Variants in PCSK5 observed in about 807,000 individuals in gnomAD.
The protein encoded by PCSK5 is prohormone convertase 5.
PCSK5 carries 129 observed loss-of-function variants against 233.2 expected under a neutral mutation model. The ratio of observed to expected loss-of-function variants is 0.55; its 90% CI spans 0.48 to 0.64. The LOEUF (loss-of-function observed/expected upper bound fraction) is 0.64, where lower values mean the gene tolerates loss of function less well. Among genes scored for constraint, PCSK5 ranks in the 30% least tolerant of loss-of-function variants. The pLI, the probability that PCSK5 is intolerant of heterozygous loss-of-function variation, is 0.00. For missense variants in PCSK5, 2,076 were observed against 2,430.1 expected (o/e 0.85, Z 3.06); for synonymous variants, 825 against 879.2 (o/e 0.94, Z 1.09).
intron 24 of PCSK5, among the ~76,000 whole-genome samples, chr9:76,271,244 A>G (rs1827503006): frequency 6.6e-6 from 1 of 152,220 alleles, no homozygotes; most frequent in Non-Finnish European, 1.5e-5. Flanking sequence ...CATCAGCTTT[A>G]TTCCTTATAA....
intron 8 of PCSK5, among the ~76,000 whole-genome samples, chr9:76,096,851 T>C (rs2131654499): frequency 6.6e-6 from 1 of 152,258 alleles, no homozygotes; most frequent in East Asian, 1.9e-4. Flanking sequence ...TCCTCCCGCC[T>C]CAGCTTCCCA....
intron 24 of PCSK5, among the ~76,000 whole-genome samples, chr9:76,275,670 C>T (rs146902410): frequency 0.037 from 5,620 of 152,278 alleles, 336 homozygotes; most frequent in African/African-American, 0.13. Context: ...AGTGATCCAC[C>T]TGCCTCGGCC....
intron 2 of PCSK5, among the ~76,000 whole-genome samples, chr9:75,952,190 C>T (rs1394950962): frequency 6.6e-6 from 1 of 152,150 alleles, no homozygotes; most frequent in Admixed American, 6.6e-5. Flanking sequence ...CTTCAGCATG[C>T]ATGTCATTAA....
chr9:76,096,837 G>A (rs1831535020), intron 8 of PCSK5, among the ~76,000 whole-genome samples: 1 of 152,094 alleles, frequency 6.6e-6, no homozygotes, highest in East Asian at 1.9e-4. Context: ...CTGACCTCAA[G>A]TGATCCTCCC....
chr9:75,916,757 C>T (rs1185774958), intron 1 of PCSK5, among the ~76,000 whole-genome samples: 1 of 152,044 alleles, frequency 6.6e-6, no homozygotes, highest in Non-Finnish European at 1.5e-5. Context: ...ATGATAGGCC[C>T]TTGGGTCAAA....
intron 3 of PCSK5, among the ~76,000 whole-genome samples, chr9:76,001,179 C>T (rs116239148): frequency 0.015 from 2,240 of 152,168 alleles, 49 homozygotes; most frequent in African/African-American, 0.05. Flanking sequence ...GATTTTATCT[C>T]GCGCTGTGTA....
At chr9:75,897,786 G>T (rs1436360790) in intron 1 of PCSK5, among the ~76,000 whole-genome samples, 1 of 152,000 alleles carries the variant, frequency 6.6e-6, no homozygotes, top group Non-Finnish European at 1.5e-5. Flanking sequence ...CTGGGACGAG[G>T]CAAGATTTTC....
intron 25 of PCSK5, 48 bp from the exon 26 acceptor site, chr9:76,295,227 A>T: frequency 6.5e-7 from 1 of 1,536,098 alleles, no homozygotes. Context: ...TGGTGAAGAG[A>T]AATACATCAA....
At chr9:75,951,860 G>A (rs2131325667) in intron 2 of PCSK5, among the ~76,000 whole-genome samples, 1 of 152,160 alleles carries the variant, frequency 6.6e-6, no homozygotes, top group Admixed American at 6.5e-5. Context: ...AAGTATATAA[G>A]CTACATACAA....
chr9:76,062,068 G>A (rs994056992), intron 5 of PCSK5, among the ~76,000 whole-genome samples: 6 of 152,106 alleles, frequency 3.9e-5, no homozygotes, highest in African/African-American at 1.4e-4. Context: ...GTAACATAGT[G>A]AGACCCTGTC....
intron 37 of PCSK5, among the ~76,000 whole-genome samples, chr9:76,356,287 C>T (rs1385536605): frequency 6.6e-6 from 1 of 152,212 alleles, no homozygotes; most frequent in Non-Finnish European, 1.5e-5. Flanking sequence ...CCCCCTGCAG[C>T]TCTTGAAGAG....
At chr9:76,347,346 G>A (rs1010668926) in intron 35 of PCSK5, among the ~76,000 whole-genome samples, 1 of 152,120 alleles carries the variant, frequency 6.6e-6, no homozygotes, top group African/African-American at 2.4e-5. Context: ...AGGTCCCAGA[G>A]CTCCTGCAGA....
intron 2 of PCSK5, among the ~76,000 whole-genome samples, chr9:75,974,056 A>C (rs918448125): frequency 1.3e-5 from 2 of 152,222 alleles, no homozygotes; most frequent in Non-Finnish European, 2.9e-5. Context: ...GCTTGATGAC[A>C]GTGATGAAAA....
At position 75,932,433 on chromosome 9, in the gene PCSK5, T is replaced by C; in HGVS notation, c.247T>C (p.Ser83Pro). Residue 83 changes from serine to proline, a missense_variant, in exon 2 of 38, where the codon TCA becomes CCA. Ser to Pro is a moderately conservative substitution (Grantham distance 74). Coordinates refer to ENST00000674117, the MANE Select transcript of PCSK5 (RefSeq NM_001372043.1). ...HFYHSRTIKR[S>P]VISSRGTHSF... is the part of the protein sequence containing the mutation. ...CTACCATAGCAGGACGATTAAAAGG[T>C]CAGTTATCTCGAGCAGAGGGACCCA... The C allele has an allele frequency of 6.2e-7, 1 of 1,613,546 alleles. No homozygotes were observed. Among genetic ancestry groups the C allele is most frequent in the Non-Finnish European group, 8.5e-7 (1 of 1,179,538 alleles).
intron 27 of PCSK5, among the ~76,000 whole-genome samples, chr9:76,297,330 G>C (rs1828470772): frequency 6.6e-6 from 1 of 152,192 alleles, no homozygotes; most frequent in Non-Finnish European, 1.5e-5. Flanking sequence ...GAATGTATTA[G>C]ATTTTATGCT....
intron 30 of PCSK5, among the ~76,000 whole-genome samples, chr9:76,315,763 G>T (rs1046408484): frequency 4.0e-5 from 6 of 150,844 alleles, no homozygotes; most frequent in African/African-American, 1.5e-4. Context: ...CTCCTGAGTA[G>T]CTGGGATTAC....
intron 9 of PCSK5, among the ~76,000 whole-genome samples, chr9:76,116,051 C>G (rs570852122): frequency 1.3e-5 from 2 of 151,814 alleles, no homozygotes; most frequent in African/African-American, 4.8e-5. Flanking sequence ...TCTTTTTTTC[C>G]TCTGTTTAAA....
intron 5 of PCSK5, among the ~76,000 whole-genome samples, chr9:76,037,747 G>A (rs1828922275): frequency 6.6e-6 from 1 of 152,090 alleles, no homozygotes; most frequent in African/African-American, 2.4e-5. Flanking sequence ...GGAGGGGATG[G>A]GATAGTGAGG....
At chr9:75,903,611 TTA>T (rs940508461) in intron 1 of PCSK5, among the ~76,000 whole-genome samples, 13 of 139,790 alleles carry the variant, frequency 9.3e-5, no homozygotes, top group East Asian at 6.2e-4. Context: ...TATATATATA[TTA>T]TATATATATA....
Sources: gnomAD v4.1 joint callset for allele counts (sites outside exome capture counted in the v4.1 genomes callset) on GRCh38, gnomAD v4.1.1 for gene constraint, MANE v1.5 for transcripts, NCBI Gene and HGNC (gene_info 2026-07-23, HGNC 2026-07-21) for gene names.